Variants in ESRP1 observed in about 807,000 individuals in gnomAD.
ESRP1 encodes the protein RNA-binding motif protein 35A.
ESRP1 carries 33 observed loss-of-function variants against 81.7 expected under a neutral mutation model. The ratio of observed to expected loss-of-function variants is 0.40; its 90% CI spans 0.31 to 0.54. ESRP1 has a LOEUF of 0.54. ESRP1 is among the 20% of genes least tolerant of loss of function. The pLI, the probability that ESRP1 is intolerant of heterozygous loss-of-function variation, is 0.41. For missense variants in ESRP1, 672 were observed against 833.1 expected (o/e 0.81, Z 2.38); for synonymous variants, 320 against 303.3 (o/e 1.06, Z -0.57).
chr8:94,668,026 G>A lies in ESRP1; in HGVS notation c.1009G>A (p.Ala337Thr), dbSNP rs1241650501. 6.2e-7 allele frequency: 1 copy of A among 1,613,696 alleles called. No individual in the cohort carries two copies. Among genetic ancestry groups the A allele is most frequent in the African/African-American group, 1.3e-5 (1 of 74,926 alleles). ...CCGCATGCGGGGGCTCCCTTTCACG[G>A]CCACAGCTGAAGAAGTGGTGGCCTT... ...IVRMRGLPFTATAEEVVAFFG... is the reference protein window; with the variant it reads ...IVRMRGLPFTTTAEEVVAFFG... The change falls in exon 10 of 16, where the codon GCC becomes ACC. Residue 337 changes from alanine to threonine, a missense_variant. By Grantham distance (58) the Ala-to-Thr change is moderately conservative. Transcript: ENST00000433389.
At chr8:94,693,347 G>A (rs930189023) in intron 14 of ESRP1, among the ~76,000 whole-genome samples, 1 of 152,176 alleles carries the variant, frequency 6.6e-6, no homozygotes, top group African/African-American at 2.4e-5. Context: ...GGTGTTGGGC[G>A]AGCCTTTCAT....
At chr8:94,692,374 A>G (rs889967536) in intron 13 of ESRP1, among the ~76,000 whole-genome samples, 5 of 152,054 alleles carry the variant, frequency 3.3e-5, no homozygotes, top group African/African-American at 1.2e-4. Context: ...GGGCCTCGGA[A>G]GTGGTGCTTT....
intron 15 of ESRP1, among the ~76,000 whole-genome samples, chr8:94,701,255 A>G (rs1381316905): frequency 6.7e-6 from 1 of 150,174 alleles, no homozygotes; most frequent in Non-Finnish European, 1.5e-5. Context: ...AGCCTGGGCG[A>G]CAGAGCAAGA....
chr8:94,689,969 A>G (rs532801912), intron 13 of ESRP1, among the ~76,000 whole-genome samples: 1 of 150,930 alleles, frequency 6.6e-6, no homozygotes, highest in East Asian at 2.0e-4. Flanking sequence ...GGCGCCCACC[A>G]CCATGCTCGG....
intron 13 of ESRP1, among the ~76,000 whole-genome samples, chr8:94,691,741 C>A (rs550915337): frequency 4.6e-5 from 7 of 152,106 alleles, no homozygotes; most frequent in African/African-American, 1.4e-4. Context: ...CAATTACCAA[C>A]TCAGAAAGAT....
At chr8:94,675,168 G>C (rs998428196) in intron 12 of ESRP1, among the ~76,000 whole-genome samples, 1 of 112,280 alleles carries the variant, frequency 8.9e-6, no homozygotes, top group African/African-American at 2.5e-5. Context: ...AAGCCCTGTA[G>C]TCTACGAAGT....
chr8:94,692,044 C>A (rs997830788), intron 13 of ESRP1, among the ~76,000 whole-genome samples: 3 of 152,058 alleles, frequency 2.0e-5, no homozygotes, highest in African/African-American at 7.2e-5. Flanking sequence ...TGCAGATATA[C>A]CGGAAGACCC....
chr8:94,697,255 A>G (rs1027846704), intron 15 of ESRP1, among the ~76,000 whole-genome samples: 3 of 152,106 alleles, frequency 2.0e-5, no homozygotes, highest in African/African-American at 7.2e-5. Flanking sequence ...CTTTTTTTTA[A>G]TTGAGGTAAA....
At chr8:94,686,639 G>A (rs1809152212) in intron 13 of ESRP1, among the ~76,000 whole-genome samples, 1 of 152,076 alleles carries the variant, frequency 6.6e-6, no homozygotes, top group African/African-American at 2.4e-5. Flanking sequence ...TAACCCTTCG[G>A]TTCCTCTATG....
rs1183656287 is a variant in ESRP1 at position 94,707,430 on chromosome 8, T to A, written c.*1541T>A. On this transcript the variant is annotated 3_prime_UTR_variant, in exon 16 of 16. Transcript: ENST00000433389. ...CAATACTACTGAGTTTTTGTAGAGT[T>A]AACATTTGATAATAAAACTTGCCTG... 6.6e-6 allele frequency: 1 copy of A among 152,028 alleles called. No homozygotes were observed. The highest frequency in any genetic ancestry group is 1.9e-4 in the East Asian group (1 of 5,190). 9.4% of individuals were successfully genotyped at this position (152,028 alleles called of 1,614,324 possible). A position where few individuals can be genotyped will look rare whatever the true frequency, so the allele number is the denominator to read the frequency against.
intron 4 of ESRP1, among the ~76,000 whole-genome samples, chr8:94,649,042 G>A (rs1158394750): frequency 4.6e-5 from 7 of 152,144 alleles, no homozygotes; most frequent in African/African-American, 4.8e-5. Context: ...CCAACATGGC[G>A]AAACCCCGTC....
chr8:94,668,084 A>T lies in ESRP1; in HGVS notation c.1067A>T (p.Lys356Met), dbSNP rs1819116035. The T allele has an allele frequency of 6.2e-7, 1 of 1,613,890 alleles. No individual in the cohort carries two copies. The highest frequency in any genetic ancestry group is 1.1e-5 in the South Asian group (1 of 91,086). The stretch of plus-strand genomic sequence containing the variant: ...CAGCATTGCCCTATTACTGGGGGAA[A>T]GGAAGGCATCCTCTTTGTCACCTAC... ...FGQHCPITGG[K>M]EGILFVTYPD... The change falls in exon 10 of 16, where the codon AAG (lysine) becomes ATG (methionine). Residue 356 changes from lysine to methionine, a missense_variant. Transcript: ENST00000433389.
intron 14 of ESRP1, among the ~76,000 whole-genome samples, chr8:94,695,415 C>T (rs1229799050): frequency 2.6e-5 from 3 of 115,598 alleles, no homozygotes; most frequent in Admixed American, 1.3e-4. Context: ...AGTGCAGTGG[C>T]GCAATCTCGG....
intron 15 of ESRP1, among the ~76,000 whole-genome samples, chr8:94,703,724 T>C (rs1319002743): frequency 3.3e-5 from 5 of 152,176 alleles, no homozygotes; most frequent in Admixed American, 2.6e-4. Flanking sequence ...GAGATACCCC[T>C]AGCAACACTT....
At position 94,707,278 on chromosome 8, in the gene ESRP1, T is replaced by C. The variant is rs1586280002; in HGVS notation, c.*1389T>C. ...TGCAATAGGAAGAAAAAAAAAAAGG[T>C]TTGTGTGAAAATTGGTGATAACTGG... On this transcript the variant is annotated 3_prime_UTR_variant, in exon 16 of 16. Transcript: ENST00000433389. 6.6e-6 allele frequency: 1 copy of C among 150,582 alleles called. No individual in the cohort carries two copies. The highest frequency in any genetic ancestry group is 2.1e-4 in the South Asian group (1 of 4,774). The allele number at this position is 150,582 out of a possible 1,614,324, so 9.3% of individuals were successfully genotyped here.
intron 11 of ESRP1, 77 bp downstream of exon 11, chr8:94,671,748 A>T (rs1288655501): frequency 4.2e-6 from 4 of 942,098 alleles, no homozygotes; most frequent in Non-Finnish European, 6.2e-6. Flanking sequence ...TAGATATTAG[A>T]TAATCTATTA....
At position 94,664,704 on chromosome 8, in the gene ESRP1, A is replaced by G. The variant is rs1301171347; in HGVS notation, c.652A>G (p.Met218Val). 2 of 1,613,616 alleles carry G rather than the reference A, an allele frequency of 1.2e-6. No individual in the cohort carries two copies. The highest frequency in any genetic ancestry group is 1.1e-5 in the South Asian group (1 of 91,056). The stretch of plus-strand genomic sequence containing the variant: ...GTTTTGCTTCATCCACAGCAGCAAG[A>G]TGGAACTTATTGATGATAACACCGT... ...YKFESGTCSK[M>V]ELIDDNTVVR... The change falls in exon 7 of 16, where the codon ATG becomes GTG. Residue 218 changes from methionine (M) to valine (V), a missense_variant. By Grantham distance (21) the Met-to-Val change is conservative (BLOSUM62 1). Coordinates refer to ENST00000433389, the MANE Select transcript of ESRP1 (RefSeq NM_017697.4).
At chr8:94,700,949 G>GTGTA (rs1289291879) in intron 15 of ESRP1, among the ~76,000 whole-genome samples, 3 of 110,938 alleles carry the variant, frequency 2.7e-5, no homozygotes, top group South Asian at 2.7e-4. Flanking sequence ...GTGTGTGTGT[G>GTGTA]TGTATGTGTG....
chr8:94,672,498 A>G (rs1248730251), intron 11 of ESRP1, among the ~76,000 whole-genome samples: 1 of 152,088 alleles, frequency 6.6e-6, no homozygotes, highest in African/African-American at 2.4e-5. Flanking sequence ...CAATTCTACA[A>G]ACCCATAAGC....
Sources: allele counts gnomAD v4.1 joint callset (sites outside exome capture counted in the v4.1 genomes callset), GRCh38; gene constraint gnomAD v4.1.1; transcripts MANE v1.5; gene names NCBI Gene and HGNC (gene_info 2026-07-23, HGNC 2026-07-21).